The following FGF12 variants were observed in gnomAD, a reference collection of about 807,000 sequenced individuals.
The protein encoded by FGF12 is fibroblast growth factor 12B.
Under a neutral mutation model 23.6 loss-of-function variants are expected in FGF12, and 14 were observed. The observed-to-expected ratio is 0.59, with a 90% CI of 0.39 to 0.93. The LOEUF (loss-of-function observed/expected upper bound fraction) is 0.93. Ranked by LOEUF, FGF12 falls within the 40% of genes least tolerant of loss-of-function variation. The probability of loss-of-function intolerance (pLI) is 0.00; values close to 1 mark genes in which losing one functional copy is unlikely to be tolerated. For missense variants in FGF12, 175 were observed against 217.8 expected, an observed-to-expected ratio of 0.80 and a Z score of 1.24; for synonymous variants, 62 against 77.3, an observed-to-expected ratio of 0.80 and a Z score of 1.04.
rs77122856 is a variant in FGF12, at chr3:192,183,062, A to G, written c.229-12406T>C. Among the ~76,000 whole-genome samples, 502 of 152,296 alleles carry G rather than the reference A, an allele frequency of 3.3e-3. 8 individuals carry two copies. The highest frequency in any genetic ancestry group is 0.031 in the East Asian group (161 of 5,174). ...GACTGAAACATTTCTCAGTGAGGAG[A>G]GACTATAATGGTCAATGAAGGAGAA... On this transcript the variant is annotated intron_variant, in intron 4 of 5. Coordinates refer to ENST00000445105, the MANE Select transcript of FGF12 (RefSeq NM_004113.6).
chr3:192,158,849 C>G (rs1445852390), intron 5 of FGF12, among the ~76,000 whole-genome samples: 1 of 151,804 alleles, frequency 6.6e-6, no homozygotes, highest in Non-Finnish European at 1.5e-5. Context: ...GGACATCTGC[C>G]CCCACGTGTT....
rs1488594848 is a variant in FGF12, at chr3:192,627,921, A to G, written c.13+99260T>C. Among the ~76,000 whole-genome samples the G allele has an allele frequency of 4.0e-5, 6 of 151,870 alleles. No individual in the cohort carries two copies. The South Asian group carries it at 1.2e-3, about 32-fold the overall frequency. On this transcript the variant is annotated intron_variant, in intron 2 of 5. Transcript: ENST00000445105. ...TTATCATATGTAGAGGTTCATGTGG[A>G]GGCCACCACAATCAAAATGAGTTTT...
chr3:192,445,700 G>A (rs1722334100), intron 2 of FGF12, among the ~76,000 whole-genome samples: 1 of 152,106 alleles, frequency 6.6e-6, no homozygotes, highest in South Asian at 2.1e-4. Context: ...TTTGCACGTG[G>A]CAAGGTTTAA....
chr3:192,718,588 A>T (rs912378659), intron 2 of FGF12, among the ~76,000 whole-genome samples: 1 of 152,180 alleles, frequency 6.6e-6, no homozygotes, highest in Admixed American at 6.5e-5. Context: ...TTAGGATTCA[A>T]ATCCAGGTCT....
In FGF12 at chr3:192,442,868, C is replaced by T. The variant is rs141459640; in HGVS notation, c.14-82330G>A. The stretch of plus-strand genomic sequence containing the variant: ...TGTCACCCAGGATGGAGTGCAGTGG[C>T]GCAGTCTCGGCTCACTGCAACCTCC... On this transcript the variant is annotated intron_variant, in intron 2 of 5. Transcript: ENST00000445105. Among the ~76,000 whole-genome samples the T allele has an allele frequency of 7.3e-3, 1,094 of 149,042 alleles. 9 individuals carry two copies. The highest frequency in any genetic ancestry group is 9.2e-3 in the Non-Finnish European group (625 of 67,630).
intron 4 of FGF12, among the ~76,000 whole-genome samples, chr3:192,319,559 T>G (rs982394157): frequency 6.6e-6 from 1 of 152,128 alleles, no homozygotes; most frequent in Admixed American, 6.6e-5. Context: ...ATCGCACCAC[T>G]GCACTCTAGC....
intron 4 of FGF12, among the ~76,000 whole-genome samples, chr3:192,332,007 A>G (rs187714432): frequency 1.8e-3 from 277 of 152,276 alleles, no homozygotes; most frequent in African/African-American, 6.4e-3. Flanking sequence ...TTAAAGGTTT[A>G]GTTTAGAAGA....
In FGF12 at chr3:192,408,815, A is replaced by T; in HGVS notation, c.14-48277T>A. 4.1e-6 allele frequency: 4 copies of T among 985,730 alleles called. No homozygotes were observed. Among genetic ancestry groups the T allele is most frequent in the Non-Finnish European group, 4.8e-6 (4 of 830,200 alleles). The allele number at this position is 985,730 out of a possible 1,614,324, so 61.1% of individuals were successfully genotyped here. A position where few individuals can be genotyped will look rare whatever the true frequency, so the allele number is the denominator to read the frequency against. On this transcript the variant is annotated intron_variant, in intron 2 of 5. Transcript: ENST00000445105. The surrounding 1 kb of genome is among the most constrained non-coding windows in gnomAD (Gnocchi z 7.3). ...CCAACCGCACGAGAGAAGGAGAGGA[A>T]GGCAGCAATTTAACTCCCTGCGGCC...
intron 2 of FGF12, among the ~76,000 whole-genome samples, chr3:192,659,075 T>G (rs1487032140): frequency 1.3e-5 from 2 of 152,146 alleles, no homozygotes; most frequent in Admixed American, 1.3e-4. Context: ...AACTGATGGT[T>G]TCAGCTGCTG....
At chr3:192,714,305 G>A (rs992724040) in intron 2 of FGF12, among the ~76,000 whole-genome samples, 16 of 152,158 alleles carry the variant, frequency 1.1e-4, no homozygotes, top group African/African-American at 3.1e-4. Context: ...CGCTAAGGAA[G>A]GGTCATCATA....
intron 4 of FGF12, among the ~76,000 whole-genome samples, chr3:192,232,385 A>G (rs1326452986): frequency 2.6e-5 from 4 of 151,994 alleles, no homozygotes; most frequent in African/African-American, 9.7e-5. Flanking sequence ...AGTACAGAAA[A>G]CTCTTAATAA....
At chr3:192,681,882 C>A (rs1243570803) in intron 2 of FGF12, among the ~76,000 whole-genome samples, 1 of 152,122 alleles carries the variant, frequency 6.6e-6, no homozygotes, top group African/African-American at 2.4e-5. Flanking sequence ...CATAGAATGA[C>A]TGCATTTTTT....
chr3:192,228,847 T>A (rs1331603833), intron 4 of FGF12, among the ~76,000 whole-genome samples: 1 of 152,118 alleles, frequency 6.6e-6, no homozygotes, highest in Non-Finnish European at 1.5e-5. Context: ...CTTTTAATAC[T>A]GCGTCTGAGG....
intron 4 of FGF12, among the ~76,000 whole-genome samples, chr3:192,324,188 A>G (rs1487444867): frequency 6.6e-6 from 1 of 152,146 alleles, no homozygotes; most frequent in Non-Finnish European, 1.5e-5. Flanking sequence ...TTAAAAAATA[A>G]TAATAATAAA....
At chr3:192,615,100 C>A (rs569494123) in intron 2 of FGF12, among the ~76,000 whole-genome samples, 1 of 151,930 alleles carries the variant, frequency 6.6e-6, no homozygotes, top group African/African-American at 2.4e-5. Context: ...AGATGCAGAG[C>A]CCCTGGGACA....
chr3:192,314,055 G>A (rs1285651567), intron 4 of FGF12, among the ~76,000 whole-genome samples: 32 of 152,108 alleles, frequency 2.1e-4, no homozygotes, highest in Admixed American at 1.3e-4. Context: ...CCACCACCAC[G>A]TGAGTGCACA....
chr3:192,379,631 G>A (rs62294885), intron 2 of FGF12, among the ~76,000 whole-genome samples: 3,861 of 152,256 alleles, frequency 0.025, 66 homozygotes, highest in Middle Eastern at 0.044. Flanking sequence ...GTGCACACAC[G>A]CAATGCATTC....
intron 4 of FGF12, among the ~76,000 whole-genome samples, chr3:192,178,727 ACCT>A (rs771168492): frequency 2.0e-5 from 3 of 152,130 alleles, no homozygotes; most frequent in Non-Finnish European, 4.4e-5. Context: ...CTAACTCCTG[ACCT>A]CAGACAATCC....
chr3:192,415,755 C>T (rs1223389375), intron 2 of FGF12, among the ~76,000 whole-genome samples: 1 of 151,624 alleles, frequency 6.6e-6, no homozygotes, highest in Non-Finnish European at 1.5e-5. Flanking sequence ...CACACACACA[C>T]ACACACACAC....
Sources: gnomAD v4.1 joint callset for allele counts (sites outside exome capture counted in the v4.1 genomes callset) on GRCh38, gnomAD v4.1.1 for gene constraint, Gnocchi (gnomAD v3.1) non-coding constraint, MANE v1.5 for transcripts, NCBI Gene and HGNC (gene_info 2026-07-23, HGNC 2026-07-21) for gene names.